The following CTXND2 variants were observed in gnomAD, a reference collection of about 807,000 sequenced individuals.
CTXND2 encodes cortexin domain containing 2.
At chr1:150,899,806 C>T (rs1668968395) in intron 1 of CTXND2, among the ~76,000 whole-genome samples, 2 of 152,086 alleles carry the variant, frequency 1.3e-5, no homozygotes, top group Admixed American at 1.3e-4. Flanking sequence ...AAATACAAAA[C>T]ACCAGCCAGG....
At chr1:150,891,339 G>A (rs1173295512) in intron 1 of CTXND2, among the ~76,000 whole-genome samples, 1 of 151,450 alleles carries the variant, frequency 6.6e-6, no homozygotes, top group Non-Finnish European at 1.5e-5. Context: ...TCAGCCTCCC[G>A]AGTAGCTAGG....
At chr1:150,905,393 A>G (rs927025964) in intron 1 of CTXND2, among the ~76,000 whole-genome samples, 2 of 151,040 alleles carry the variant, frequency 1.3e-5, no homozygotes, top group Non-Finnish European at 3.0e-5. Context: ...ATCCCCCCCA[A>G]CCTCGGCCTC....
chr1:150,896,953 G>A (rs113443528), intron 1 of CTXND2, among the ~76,000 whole-genome samples: 2 of 152,126 alleles, frequency 1.3e-5, no homozygotes, highest in African/African-American at 4.8e-5. Context: ...TGAATATAGA[G>A]GGAAGAGAAT....
intron 1 of CTXND2, among the ~76,000 whole-genome samples, chr1:150,895,052 T>C (rs763879934): frequency 1.1e-4 from 16 of 151,010 alleles, no homozygotes; most frequent in African/African-American, 1.9e-4. Context: ...CATATATATA[T>C]ACATATATAT....
intron 1 of CTXND2, among the ~76,000 whole-genome samples, chr1:150,900,797 T>C (rs1005806688): frequency 2.6e-5 from 4 of 151,780 alleles, no homozygotes; most frequent in African/African-American, 9.7e-5. Flanking sequence ...AGAGACAAAA[T>C]ACATGAACAG....
At chr1:150,900,880 C>T (rs1412048233) in intron 1 of CTXND2, among the ~76,000 whole-genome samples, 2 of 152,088 alleles carry the variant, frequency 1.3e-5, no homozygotes, top group Non-Finnish European at 1.5e-5. Flanking sequence ...GCCTGTAATC[C>T]AAAGTGGGAG....
At chr1:150,907,373 C>G (rs910636412) in intron 1 of CTXND2, among the ~76,000 whole-genome samples, 3 of 152,166 alleles carry the variant, frequency 2.0e-5, no homozygotes, top group Admixed American at 1.3e-4. Context: ...TAATCTGTCT[C>G]TATAGATTTC....
intron 1 of CTXND2, among the ~76,000 whole-genome samples, chr1:150,901,135 G>A (rs1669019338): frequency 6.6e-6 from 1 of 152,030 alleles, no homozygotes; most frequent in Non-Finnish European, 1.5e-5. Context: ...CAGAAAGAAT[G>A]AAAACAATCC....
At chr1:150,913,021 T>A (rs1455907404) in exon 2 of CTXND2, 1 of 152,212 alleles carries the variant, frequency 6.6e-6, no homozygotes, top group Non-Finnish European at 1.5e-5. Context: ...AATTTCCTCA[T>A]CTATAAAATA....
At chr1:150,909,637 T>C (rs1669214668) in intron 1 of CTXND2, among the ~76,000 whole-genome samples, 1 of 152,194 alleles carries the variant, frequency 6.6e-6, no homozygotes, top group African/African-American at 2.4e-5. Context: ...TATCTAAGAA[T>C]CCTTACATTT....
chr1:150,900,856 G>A (rs1233177483), intron 1 of CTXND2, among the ~76,000 whole-genome samples: 1 of 152,172 alleles, frequency 6.6e-6, no homozygotes, highest in Admixed American at 6.5e-5. Context: ...TCGAGACTGG[G>A]CATGGTGGCT....
intron 1 of CTXND2, among the ~76,000 whole-genome samples, chr1:150,911,797 G>A (rs587665492): frequency 6.6e-6 from 1 of 152,244 alleles, no homozygotes; most frequent in Non-Finnish European, 1.5e-5. Context: ...GAAGATGTAA[G>A]AATGACAGCA....
intron 1 of CTXND2, among the ~76,000 whole-genome samples, chr1:150,889,919 A>G (rs780019246): frequency 5.3e-5 from 8 of 152,104 alleles, no homozygotes; most frequent in East Asian, 1.9e-4. Flanking sequence ...GTTAGAATCA[A>G]TGGGATACAC....
intron 1 of CTXND2, among the ~76,000 whole-genome samples, chr1:150,900,876 A>G (rs933669720): frequency 1.3e-5 from 2 of 152,216 alleles, no homozygotes; most frequent in African/African-American, 4.8e-5. Flanking sequence ...TCACGCCTGT[A>G]ATCCAAAGTG....
intron 1 of CTXND2, among the ~76,000 whole-genome samples, chr1:150,895,568 T>A (rs1668905507): frequency 6.6e-6 from 1 of 152,190 alleles, no homozygotes; most frequent in African/African-American, 2.4e-5. Flanking sequence ...GGTCTTGAAC[T>A]CCTGACCTCA....
chr1:150,901,933 A>T (rs955491384), intron 1 of CTXND2, among the ~76,000 whole-genome samples: 8 of 151,854 alleles, frequency 5.3e-5, no homozygotes, highest in African/African-American at 1.5e-4. Context: ...CTAAAAAAAA[A>T]AAAATAAATT....
chr1:150,888,779 C>T (rs1404170753), intron 1 of CTXND2, among the ~76,000 whole-genome samples: 2 of 151,958 alleles, frequency 1.3e-5, no homozygotes, highest in African/African-American at 2.4e-5. Context: ...CATCCTTGAC[C>T]TCCTGGGCTC....
At chr1:150,903,845 G>T in intron 1 of CTXND2, 1 of 517,854 alleles carries the variant, frequency 1.9e-6, no homozygotes, top group Non-Finnish European at 3.7e-6. Context: ...GGGATGTCCG[G>T]CTTCAGAGTG....
intron 1 of CTXND2, among the ~76,000 whole-genome samples, chr1:150,896,290 C>G (rs1024108007): frequency 1.3e-4 from 20 of 152,184 alleles, no homozygotes; most frequent in African/African-American, 4.8e-4. Context: ...TACTTTGAAT[C>G]ACTGGATTCA....
Sources: allele counts gnomAD v4.1 joint callset (sites outside exome capture counted in the v4.1 genomes callset), GRCh38; gene constraint gnomAD v4.1.1; transcripts MANE v1.5; gene names NCBI Gene and HGNC (gene_info 2026-07-23, HGNC 2026-07-21).